IGSF10: variants seen among roughly 807,000 people sequenced by gnomAD.
The protein encoded by IGSF10 is immunoglobulin superfamily member 10, also known as calvaria mechanical force protein 608.
A neutral mutation model predicts 128.2 loss-of-function variants in IGSF10; 126 were observed. The ratio of observed to expected loss-of-function variants is 0.98; its 90% CI spans 0.85 to 1.14. The LOEUF is 1.14. Among genes scored for constraint, IGSF10 ranks in the 50% most tolerant of loss-of-function variants. IGSF10 has a pLI of 0.00. For synonymous variants in IGSF10, 1,185 were observed against 1,146.2 expected, an observed-to-expected ratio of 1.03 and a Z score of -0.68; for missense variants, 3,295 against 3,149.8, an observed-to-expected ratio of 1.05 and a Z score of -1.10.
chr3:151,536,012 A>G, the IGSF10 span, among the ~76,000 whole-genome samples: 5 of 152,072 alleles, frequency 3.3e-5, no homozygotes, highest in Non-Finnish European at 7.4e-5. Context: ...CAGCCCCTTG[A>G]TCTCAGTCTT....
the IGSF10 span, among the ~76,000 whole-genome samples, chr3:151,589,613 G>A: frequency 6.6e-6 from 1 of 152,196 alleles, no homozygotes; most frequent in African/African-American, 2.4e-5. Flanking sequence ...ACTTGAGGAA[G>A]CAGAGTGTGC....
the IGSF10 span, among the ~76,000 whole-genome samples, chr3:151,616,609 C>T: frequency 2.0e-5 from 3 of 152,058 alleles, no homozygotes; most frequent in Non-Finnish European, 2.9e-5. Flanking sequence ...TATTTGGGCA[C>T]ATAAAAGTTA....
the IGSF10 span, among the ~76,000 whole-genome samples, chr3:151,510,615 A>C: frequency 6.6e-6 from 1 of 152,238 alleles, no homozygotes; most frequent in Non-Finnish European, 1.5e-5. Context: ...CTGGACGGAG[A>C]ATGACTTTGA....
At chr3:151,550,677 C>T in the IGSF10 span, among the ~76,000 whole-genome samples, 1 of 151,894 alleles carries the variant, frequency 6.6e-6, no homozygotes, top group South Asian at 2.1e-4. Context: ...CGATTTTTTT[C>T]TCGTTTTTTA....
chr3:151,435,545 T>C (rs1720052955), downstream of IGSF10: 1 of 152,220 alleles, frequency 6.6e-6, no homozygotes, highest in African/African-American at 2.4e-5. Flanking sequence ...GGCTAACTTA[T>C]TAGTAATTCT....
At chr3:151,456,661 A>G (rs1216677121) in intron 4 of IGSF10, among the ~76,000 whole-genome samples, 2 of 152,222 alleles carry the variant, frequency 1.3e-5, no homozygotes, top group Non-Finnish European at 2.9e-5. Context: ...AAAATAGTAC[A>G]TTGATTTATA....
chr3:151,606,699 A>G, the IGSF10 span, among the ~76,000 whole-genome samples: 1 of 152,216 alleles, frequency 6.6e-6, no homozygotes, highest in Non-Finnish European at 1.5e-5. Context: ...AGAAAGTAGC[A>G]TGGAGATAGA....
chr3:151,559,689 T>C, the IGSF10 span, among the ~76,000 whole-genome samples: 7 of 152,158 alleles, frequency 4.6e-5, no homozygotes, highest in African/African-American at 1.7e-4. Context: ...TTGGGAGCGT[T>C]GGAGAGGAGT....
chr3:151,551,093 C>T, the IGSF10 span, among the ~76,000 whole-genome samples: 3 of 152,092 alleles, frequency 2.0e-5, no homozygotes, highest in African/African-American at 7.2e-5. Flanking sequence ...TTGACCTTGT[C>T]CTGCCAAGCA....
At chr3:151,527,358 T>C in the IGSF10 span, among the ~76,000 whole-genome samples, 3 of 152,222 alleles carry the variant, frequency 2.0e-5, no homozygotes, top group Admixed American at 1.3e-4. Context: ...TGGGGTCATC[T>C]ATTCCTAATG....
At chr3:151,580,962 T>C in the IGSF10 span, among the ~76,000 whole-genome samples, 15 of 152,148 alleles carry the variant, frequency 9.9e-5, no homozygotes, top group Non-Finnish European at 1.8e-4. Context: ...ATTTTTTTTT[T>C]TTTAAATAGA....
At chr3:151,550,793 G>A in the IGSF10 span, among the ~76,000 whole-genome samples, 11 of 152,120 alleles carry the variant, frequency 7.2e-5, no homozygotes, top group Admixed American at 6.6e-4. Context: ...GTACCCTGGA[G>A]TTGATCCTAT....
chr3:151,550,459 G>C, the IGSF10 span, among the ~76,000 whole-genome samples: 2 of 152,154 alleles, frequency 1.3e-5, no homozygotes, highest in Non-Finnish European at 2.9e-5. Flanking sequence ...GGGCATTTGA[G>C]GTTTCTGCAC....
intron 7 of IGSF10, among the ~76,000 whole-genome samples, chr3:151,439,935 G>A (rs910841994): frequency 3.9e-5 from 6 of 152,202 alleles, no homozygotes; most frequent in African/African-American, 1.4e-4. Flanking sequence ...GGCTAAGCAG[G>A]TAGATAAAAC....
At position 151,447,113 on chromosome 3, in the gene IGSF10, T is replaced by C. The variant is rs144812820; in HGVS notation, c.2868A>G (p.Thr956=). 23 of 1,614,140 alleles carry C rather than the reference T, an allele frequency of 1.4e-5. No individual in the cohort carries two copies. The African/African-American group carries it at 2.9e-4, about 21-fold the overall frequency. Residue 956 remains threonine, a synonymous_variant, in exon 6 of 8, where the codon ACA becomes ACG. Coordinates refer to ENST00000282466, the MANE Select transcript of IGSF10 (RefSeq NM_178822.5). Reference sequence around the variant, plus strand: ...TGGGTTCACTCACTTCTCTTACAGATGTCTGATGACTATTTGTGGTATTTA... The same window carrying C: ...TGGGTTCACTCACTTCTCTTACAGACGTCTGATGACTATTTGTGGTATTTA... ...ESVNTTNSHQ[T]SVREVSEPRH... is the part of the protein sequence containing the mutation.
At chr3:151,491,791 C>T in the IGSF10 span, among the ~76,000 whole-genome samples, 1 of 152,198 alleles carries the variant, frequency 6.6e-6, no homozygotes, top group East Asian at 1.9e-4. Flanking sequence ...CTTCCAAACA[C>T]ATGAAGCCAG....
the IGSF10 span, among the ~76,000 whole-genome samples, chr3:151,535,277 G>GA: frequency 6.6e-6 from 1 of 151,794 alleles, no homozygotes; most frequent in Non-Finnish European, 1.5e-5. Context: ...CCAAATAAAA[G>GA]AAAAAAAATA....
chr3:151,443,812 C>G lies in IGSF10; in HGVS notation c.5135G>C (p.Arg1712Thr). 1 of 1,614,114 alleles carries G rather than the reference C, an allele frequency of 6.2e-7. No individual in the cohort carries two copies. Among genetic ancestry groups the G allele is most frequent in the Non-Finnish European group, 8.5e-7 (1 of 1,179,984 alleles). ...VLPNGTLSIQRVEIQDRGQYL... is the reference protein window; with the variant it reads ...VLPNGTLSIQTVEIQDRGQYL... ...CTGTCCGCGGTCCTGAATTTCCACC[C>G]TCTGGATGGACAGGGTACCATTGGG... The change falls in exon 7 of 8, where the codon AGG (arginine) becomes ACG (threonine). Residue 1712 changes from arginine (R) to threonine (T), a missense_variant. Physicochemically the swap from Arg to Thr is moderately conservative, Grantham distance 71 (BLOSUM62 -1). Transcript: ENST00000282466.
chr3:151,520,714 A>G, the IGSF10 span, among the ~76,000 whole-genome samples: 1 of 151,930 alleles, frequency 6.6e-6, no homozygotes, highest in African/African-American at 2.4e-5. Flanking sequence ...CCTACTTACA[A>G]GAGATCTTGA....
Sources: gnomAD v4.1 joint callset for allele counts (sites outside exome capture counted in the v4.1 genomes callset) on GRCh38, gnomAD v4.1.1 for gene constraint, MANE v1.5 for transcripts, NCBI Gene and HGNC (gene_info 2026-07-23, HGNC 2026-07-21) for gene names.